The following CGNL1 variants were observed in gnomAD, a reference collection of about 807,000 sequenced individuals.
CGNL1 encodes the protein cingulin-like protein 1.
A neutral mutation model predicts 141.2 loss-of-function variants in CGNL1; 132 were observed. The ratio of observed to expected loss-of-function variants is 0.93; its 90% CI spans 0.81 to 1.08. The LOEUF (loss-of-function observed/expected upper bound fraction) is 1.08. Among genes scored for constraint, CGNL1 ranks in the 50% least tolerant of loss-of-function variants. CGNL1 has a pLI of 0.00. For missense variants in CGNL1, 1,870 were observed against 1,588.6 expected (o/e 1.18, Z -3.01); for synonymous variants, 690 against 622.1 (o/e 1.11, Z -1.63).
intron 1 of CGNL1, among the ~76,000 whole-genome samples, chr15:57,388,073 A>G (rs2062503029): frequency 6.6e-6 from 1 of 152,214 alleles, no homozygotes; most frequent in Admixed American, 6.5e-5. Flanking sequence ...AAGGGCAGTT[A>G]CCCTGCCCCA....
At chr15:57,414,596 G>A (rs570547627) in intron 1 of CGNL1, among the ~76,000 whole-genome samples, 3 of 152,200 alleles carry the variant, frequency 2.0e-5, no homozygotes, top group Non-Finnish European at 4.4e-5. Flanking sequence ...AGAGGTCACC[G>A]TGGTGTTTGC....
At chr15:57,433,181 A>C (rs2063065504) in intron 1 of CGNL1, among the ~76,000 whole-genome samples, 1 of 150,274 alleles carries the variant, frequency 6.7e-6, no homozygotes, top group Non-Finnish European at 1.5e-5. Flanking sequence ...TGCAGAATAA[A>C]ATATGCCAAT....
chr15:57,511,338 A>T (rs2030288460), intron 8 of CGNL1, among the ~76,000 whole-genome samples: 2 of 152,180 alleles, frequency 1.3e-5, no homozygotes, highest in African/African-American at 4.8e-5. Flanking sequence ...TTTTTCTCCC[A>T]GATGCACAAG....
At chr15:57,528,276 A>G (rs1457141669) in intron 12 of CGNL1, among the ~76,000 whole-genome samples, 3 of 152,158 alleles carry the variant, frequency 2.0e-5, no homozygotes, top group Non-Finnish European at 2.9e-5. Context: ...AGACAAAAAA[A>G]AACTATATCT....
intron 14 of CGNL1, among the ~76,000 whole-genome samples, chr15:57,543,098 C>T (rs2032652635): frequency 6.6e-6 from 1 of 152,172 alleles, no homozygotes; most frequent in South Asian, 2.1e-4. Context: ...CAGAGTGTTA[C>T]CAGGGCCATG....
chr15:57,391,067 A>G (rs2062537483), intron 1 of CGNL1, among the ~76,000 whole-genome samples: 1 of 152,194 alleles, frequency 6.6e-6, no homozygotes, highest in Non-Finnish European at 1.5e-5. Flanking sequence ...TTTTACATCC[A>G]AAGAAACAGG....
intron 1 of CGNL1, among the ~76,000 whole-genome samples, chr15:57,410,649 G>C (rs1259759395): frequency 6.6e-6 from 1 of 152,146 alleles, no homozygotes; most frequent in African/African-American, 2.4e-5. Context: ...AACAACAATT[G>C]AGAAAGATAA....
At chr15:57,546,616 A>G (rs1341900065) in intron 18 of CGNL1, among the ~76,000 whole-genome samples, 2 of 152,140 alleles carry the variant, frequency 1.3e-5, no homozygotes, top group African/African-American at 4.8e-5. Context: ...TCTGGTTTGT[A>G]TCCTCAAGAG....
chr15:57,509,323 A>T (rs1024906908), intron 8 of CGNL1, among the ~76,000 whole-genome samples: 1 of 152,158 alleles, frequency 6.6e-6, no homozygotes, highest in Admixed American at 6.5e-5. Context: ...AGCTGTTTTC[A>T]CTCATTCAGC....
intron 5 of CGNL1, 139 bp downstream of exon 5, chr15:57,451,740 T>C (rs1285477020): frequency 4.7e-6 from 3 of 636,634 alleles, no homozygotes; most frequent in Non-Finnish European, 8.2e-6. Flanking sequence ...ACTGAATAAA[T>C]TCCTGTGTAT....
At chr15:57,460,750 C>A (rs573100388) in intron 7 of CGNL1, among the ~76,000 whole-genome samples, 1 of 152,152 alleles carries the variant, frequency 6.6e-6, no homozygotes, top group Non-Finnish European at 1.5e-5. Flanking sequence ...CAGTGTCCCC[C>A]CCTTGACAAG....
At chr15:57,463,848 T>G (rs1184229839) in intron 8 of CGNL1, among the ~76,000 whole-genome samples, 5 of 152,324 alleles carry the variant, frequency 3.3e-5, no homozygotes, top group Non-Finnish European at 7.3e-5. Flanking sequence ...GCTGTTGTCC[T>G]CCTGCAAGAA....
chr15:57,430,102 C>T (rs142880189), intron 1 of CGNL1, among the ~76,000 whole-genome samples: 15 of 152,340 alleles, frequency 9.8e-5, no homozygotes, highest in African/African-American at 3.6e-4. Flanking sequence ...TGAGCCACTG[C>T]CCGGCTGATC....
In CGNL1 at chr15:57,461,762, G is replaced by T; in HGVS notation, c.2273G>T (p.Arg758Leu). The T allele has an allele frequency of 6.2e-7, 1 of 1,614,112 alleles. No individual in the cohort carries two copies. Among genetic ancestry groups the T allele is most frequent in the East Asian group, 2.2e-5 (1 of 44,862 alleles). ...GAAGACCTCTTGAGAAAGCGAGAGC[G>T]TGAACTCACCGCCCTGAAGGGAGCC... ...EQEDLLRKRE[R>L]ELTALKGALK... The change falls in exon 8 of 19, where the codon CGT becomes CTT. Residue 758 changes from arginine (R) to leucine (L), a missense_variant. Arg to Leu is a moderately radical substitution (Grantham distance 102). Coordinates refer to ENST00000281282, the MANE Select transcript of CGNL1 (RefSeq NM_032866.5).
At chr15:57,505,109 T>A (rs144269109) in intron 8 of CGNL1, among the ~76,000 whole-genome samples, 3 of 152,072 alleles carry the variant, frequency 2.0e-5, no homozygotes, top group Non-Finnish European at 4.4e-5. Context: ...GGGAAACAAT[T>A]GCTCTAAGAG....
At chr15:57,541,341 C>G (rs146787578) in intron 14 of CGNL1, among the ~76,000 whole-genome samples, 4 of 152,372 alleles carry the variant, frequency 2.6e-5, no homozygotes, top group East Asian at 3.9e-4. Flanking sequence ...TCCTCAGTCC[C>G]GTGGCCCAGC....
At chr15:57,464,776 G>A (rs1342950521) in intron 8 of CGNL1, among the ~76,000 whole-genome samples, 1 of 131,030 alleles carries the variant, frequency 7.6e-6, no homozygotes, top group African/African-American at 2.9e-5. Context: ...TTGAGATGGA[G>A]TCTTGCTCTG....
intron 1 of CGNL1, among the ~76,000 whole-genome samples, chr15:57,409,478 T>C (rs1170363084): frequency 2.0e-5 from 3 of 152,188 alleles, no homozygotes; most frequent in Admixed American, 6.5e-5. Context: ...GCCTGAAGAC[T>C]GAGGATCAAC....
intron 8 of CGNL1, among the ~76,000 whole-genome samples, chr15:57,500,286 A>G (rs1024097398): frequency 6.6e-6 from 1 of 152,154 alleles, no homozygotes; most frequent in Non-Finnish European, 1.5e-5. Context: ...CCTGTGCAGC[A>G]CTGGCAGAGA....
Sources: gnomAD v4.1 joint callset for allele counts (sites outside exome capture counted in the v4.1 genomes callset) on GRCh38, gnomAD v4.1.1 for gene constraint, MANE v1.5 for transcripts, NCBI Gene and HGNC (gene_info 2026-07-23, HGNC 2026-07-21) for gene names.